TFDP2: variants seen among roughly 807,000 people sequenced by gnomAD.
TFDP2 encodes the protein transcription factor Dp-2 (E2F dimerization partner 2).
Under a neutral mutation model 59.3 loss-of-function variants are expected in TFDP2, and 17 were observed. The observed-to-expected ratio is 0.29, with a 90% confidence interval of 0.20 to 0.43. The LOEUF is 0.43. Ranked by LOEUF, TFDP2 falls within the 20% of genes least tolerant of loss-of-function variation. The pLI is 1.00. For synonymous variants in TFDP2, 180 were observed against 194.7 expected, an observed-to-expected ratio of 0.92 and a Z score of 0.63; for missense variants, 391 against 528.8, an observed-to-expected ratio of 0.74 and a Z score of 2.56.
intron 3 of TFDP2, among the ~76,000 whole-genome samples, chr3:142,041,255 C>T (rs2108447557): frequency 6.6e-6 from 1 of 152,304 alleles, no homozygotes; most frequent in South Asian, 2.1e-4. Flanking sequence ...CAGTCCATGA[C>T]TTGTCTTTTC....
At position 142,132,218 on chromosome 3, in the gene TFDP2, C is replaced by T. The variant is rs898011649; in HGVS notation, c.-93+16965G>A. ...TGAAAATGTTATGCCAAGCCACATACTATATGATTCCACTTAAATGAAATA... is the reference window on the plus strand; with the variant it reads ...TGAAAATGTTATGCCAAGCCACATATTATATGATTCCACTTAAATGAAATA... On this transcript the variant is annotated intron_variant, in intron 1 of 12. Transcript: ENST00000489671. Among the ~76,000 whole-genome samples the T allele has an allele frequency of 8.0e-5, 12 of 150,012 alleles. 1 individual carries two copies. The highest frequency in any genetic ancestry group is 3.0e-4 in the African/African-American group (12 of 39,542).
chr3:142,106,339 T>C (rs1478557316), intron 1 of TFDP2, among the ~76,000 whole-genome samples: 1 of 152,240 alleles, frequency 6.6e-6, no homozygotes, highest in East Asian at 1.9e-4. Context: ...GGGATTGTGA[T>C]AGAGACTTTC....
chr3:142,016,626 G>A (rs2108326847), intron 3 of TFDP2, among the ~76,000 whole-genome samples: 1 of 152,200 alleles, frequency 6.6e-6, no homozygotes, highest in Middle Eastern at 3.4e-3. Context: ...GTAAATGTTT[G>A]TATAATGTTT....
intron 1 of TFDP2, among the ~76,000 whole-genome samples, chr3:142,106,091 G>GA (rs1260240927): frequency 9.7e-4 from 126 of 129,580 alleles, no homozygotes; most frequent in African/African-American, 3.2e-3. Context: ...TTTCAAAATA[G>GA]AAAAAAAACC....
At position 141,968,549 on chromosome 3, in the gene TFDP2, ATC is replaced by A. The variant is rs1366769768; in HGVS notation, c.732+1522_732+1523del. ...ATATAGATATATATAACATATATAT[ATC>A]TCATATATATAGATATATATAACAT... On this transcript the variant is annotated intron_variant, in intron 9 of 12. Transcript: ENST00000489671. 1.6e-4 allele frequency among the ~76,000 whole-genome samples: 17 copies of A among 105,876 alleles called. No homozygotes were observed. The South Asian group carries it at 4.5e-3, about 28-fold the overall frequency. The allele number at this position is 105,876 out of a possible 152,430, so 69.5% of individuals were successfully genotyped here. A position where few individuals can be genotyped will look rare whatever the true frequency, so the allele number is the denominator to read the frequency against.
chr3:142,149,501 C>G lies in TFDP2; in HGVS notation c.-411G>C, dbSNP rs1317036350. On this transcript the variant is annotated 5_prime_UTR_variant, in exon 1 of 13. Transcript: ENST00000489671. ...CCCTCTCCCTGCCCAGCTACAGCCC[C>G]GCTTCCCCCGCGCGAGCTTTGGCGG... The G allele has an allele frequency of 2.9e-6, 1 of 347,654 alleles. No individual in the cohort carries two copies. Among genetic ancestry groups the G allele is most frequent in the Non-Finnish European group, 5.2e-6 (1 of 194,156 alleles). The allele number at this position is 347,654 out of a possible 1,614,324, so 21.5% of individuals were successfully genotyped here. A position where few individuals can be genotyped will look rare whatever the true frequency, so the allele number is the denominator to read the frequency against.
At position 142,071,957 on chromosome 3, in the gene TFDP2, G is replaced by A. The variant is rs78273107; in HGVS notation, c.82+21104C>T. Among the ~76,000 whole-genome samples, 364 of 152,154 alleles carry A rather than the reference G, an allele frequency of 2.4e-3. 2 individuals carry two copies. Among genetic ancestry groups the A allele is most frequent in the African/African-American group, 8.3e-3 (345 of 41,504 alleles). On this transcript the variant is annotated intron_variant, in intron 3 of 12. Transcript: ENST00000489671. ...TATTTGGGCCACAGGTATAGATTTC[G>A]GAATCATACATATACATAACAGATG...
chr3:142,118,585 T>TAGA (rs1577027124), intron 1 of TFDP2, among the ~76,000 whole-genome samples: 1 of 152,212 alleles, frequency 6.6e-6, no homozygotes, highest in East Asian at 1.9e-4. Flanking sequence ...GAACATCATA[T>TAGA]AAGAAATGAA....
intron 3 of TFDP2, among the ~76,000 whole-genome samples, chr3:142,080,004 C>A (rs947002906): frequency 6.6e-6 from 1 of 152,212 alleles, no homozygotes; most frequent in Non-Finnish European, 1.5e-5. Context: ...TGCTCTGTCA[C>A]CCAGGCTGGA....
intron 1 of TFDP2, among the ~76,000 whole-genome samples, chr3:142,122,782 T>C (rs2062095021): frequency 6.6e-6 from 1 of 152,158 alleles, no homozygotes; most frequent in African/African-American, 2.4e-5. Context: ...GCTGTGAGCC[T>C]AAGCAGGTGG....
intron 3 of TFDP2, among the ~76,000 whole-genome samples, chr3:142,018,045 C>T (rs1387448775): frequency 6.6e-6 from 1 of 151,840 alleles, no homozygotes; most frequent in African/African-American, 2.4e-5. Context: ...TGGGTTCAGG[C>T]GATTCTCCTG....
At chr3:142,116,781 T>G (rs976973727) in intron 1 of TFDP2, among the ~76,000 whole-genome samples, 1 of 151,340 alleles carries the variant, frequency 6.6e-6, no homozygotes, top group Non-Finnish European at 1.5e-5. Flanking sequence ...TATATTTTCC[T>G]AGCTGTATGC....
chr3:142,093,516 T>C (rs2061066082), intron 2 of TFDP2, among the ~76,000 whole-genome samples: 1 of 152,130 alleles, frequency 6.6e-6, no homozygotes, highest in Admixed American at 6.6e-5. Flanking sequence ...GAAATACTAT[T>C]ACTTATGAGC....
chr3:141,983,608 G>C (rs2108098029), intron 6 of TFDP2, among the ~76,000 whole-genome samples: 1 of 148,770 alleles, frequency 6.7e-6, no homozygotes, highest in East Asian at 2.0e-4. Context: ...CAGCCTGGGA[G>C]TGAGAATGTC....
intron 3 of TFDP2, among the ~76,000 whole-genome samples, chr3:142,071,221 A>G (rs1320433195): frequency 6.6e-6 from 1 of 152,004 alleles, no homozygotes; most frequent in African/African-American, 2.4e-5. Context: ...CAGTGGCTGA[A>G]TCTTGGCTTA....
chr3:142,042,630 C>CTTTTTTTTTTTT (rs66981475), intron 3 of TFDP2, among the ~76,000 whole-genome samples: 26 of 108,178 alleles, frequency 2.4e-4, no homozygotes, highest in Middle Eastern at 5.3e-3. Flanking sequence ...CTTTTCTTTT[C>CTTTTTTTTTTTT]TTTTTTTTTT....
chr3:141,993,737 CTTAATT>C (rs1943011491), intron 5 of TFDP2, 152 bp from the exon 6 acceptor site: 1 of 466,734 alleles, frequency 2.1e-6, no homozygotes, highest in Non-Finnish European at 3.8e-6. Context: ...TAAAATAAAT[CTTAATT>C]TTATCATGTG....
rs1935632137 is a variant in TFDP2 at position 141,949,181 on chromosome 3, T to G, written c.*3332A>C. ...TTATTTTTCAAATATGGCAGAGTAC[T>G]GTTAACAACTGTAAAATTTGCTAAT... On this transcript the variant is annotated 3_prime_UTR_variant, in exon 13 of 13. Transcript: ENST00000489671. 1 of 152,170 alleles carries G rather than the reference T, an allele frequency of 6.6e-6. No individual in the cohort carries two copies. Among genetic ancestry groups the G allele is most frequent in the Non-Finnish European group, 1.5e-5 (1 of 68,042 alleles). 9.4% of individuals were successfully genotyped at this position (152,170 alleles called of 1,614,324 possible).
At chr3:142,009,981 A>G (rs1944528302) in intron 3 of TFDP2, among the ~76,000 whole-genome samples, 1 of 151,934 alleles carries the variant, frequency 6.6e-6, no homozygotes, top group African/African-American at 2.4e-5. Flanking sequence ...AAATATAATA[A>G]TATTTTTATA....
Sources: allele counts gnomAD v4.1 joint callset (sites outside exome capture counted in the v4.1 genomes callset), GRCh38; gene constraint gnomAD v4.1.1; transcripts MANE v1.5; gene names NCBI Gene and HGNC (gene_info 2026-07-23, HGNC 2026-07-21).